Variants in CDKAL1 observed in about 807,000 individuals in gnomAD.
CDKAL1 encodes threonylcarbamoyladenosine tRNA methylthiotransferase.
Under a neutral mutation model 68.2 loss-of-function variants are expected in CDKAL1, and 32 were observed. That is an observed-to-expected ratio of 0.47 (90% CI 0.35 to 0.63). The LOEUF (loss-of-function observed/expected upper bound fraction) is 0.63. Among genes scored for constraint, CDKAL1 ranks in the 30% least tolerant of loss-of-function variants. The pLI is 0.00. For missense variants in CDKAL1, 606 were observed against 696.7 expected (o/e 0.87, Z 1.47); for synonymous variants, 234 against 244.3 (o/e 0.96, Z 0.39).
chr6:20,632,813 C>T lies in CDKAL1; in HGVS notation c.287-16480C>T, dbSNP rs113738269. ...ATCGAGGGACTATTTATTTTTGAAT[C>T]GTTGCCAGGATGTACCACGGGCCCA... On this transcript the variant is annotated intron_variant, in intron 4 of 15. Transcript: ENST00000274695. Among the ~76,000 whole-genome samples the T allele has an allele frequency of 2.3e-3, 357 of 152,270 alleles. 1 individual carries two copies. Among genetic ancestry groups the T allele is most frequent in the Middle Eastern group, 6.8e-3 (2 of 294 alleles).
intron 12 of CDKAL1, among the ~76,000 whole-genome samples, chr6:21,102,982 T>C (rs1350228344): frequency 6.6e-6 from 1 of 152,254 alleles, no homozygotes; most frequent in Non-Finnish European, 1.5e-5. Context: ...CGAAGTATGA[T>C]GAAGGCTTGC....
At chr6:20,597,450 T>G (rs1201577866) in intron 4 of CDKAL1, among the ~76,000 whole-genome samples, 1 of 152,002 alleles carries the variant, frequency 6.6e-6, no homozygotes, top group African/African-American at 2.4e-5. Flanking sequence ...AGTCTCACTC[T>G]TTGAACCAGG....
intron 13 of CDKAL1, among the ~76,000 whole-genome samples, chr6:21,172,480 T>C (rs1582352525): frequency 6.6e-6 from 1 of 152,174 alleles, no homozygotes; most frequent in Admixed American, 6.5e-5. Flanking sequence ...CTGGGCGAGG[T>C]GGTTCACGCC....
intron 12 of CDKAL1, among the ~76,000 whole-genome samples, chr6:21,080,969 G>A (rs771629066): frequency 1.6e-4 from 24 of 152,118 alleles, no homozygotes; most frequent in Non-Finnish European, 2.9e-4. Flanking sequence ...GGGAATCTTA[G>A]CATTTCAAGT....
chr6:21,196,575 T>C (rs2151103693), intron 13 of CDKAL1, among the ~76,000 whole-genome samples: 1 of 152,340 alleles, frequency 6.6e-6, no homozygotes, highest in East Asian at 1.9e-4. Flanking sequence ...TAGTAAATTA[T>C]GGTGTATTTA....
At chr6:20,595,594 T>C (rs573626373) in intron 4 of CDKAL1, among the ~76,000 whole-genome samples, 52 of 152,112 alleles carry the variant, frequency 3.4e-4, no homozygotes, top group Non-Finnish European at 6.6e-4. Flanking sequence ...CAGGGTTCTT[T>C]GCTTCCTTGC....
chr6:20,633,961 A>G (rs902542553), intron 4 of CDKAL1, among the ~76,000 whole-genome samples: 1 of 152,228 alleles, frequency 6.6e-6, no homozygotes, highest in African/African-American at 2.4e-5. Context: ...GTCAAAATCT[A>G]GAAGTGGTTC....
In CDKAL1 at chr6:20,818,749, A is replaced by G. The variant is rs79973327; in HGVS notation, c.639-27326A>G. 2.3e-4 allele frequency among the ~76,000 whole-genome samples: 35 copies of G among 150,924 alleles called. No homozygotes were observed. The East Asian group carries it at 5.0e-3, about 22-fold the overall frequency. Reference sequence around the variant, plus strand: ...ATATAGTTATATACTTAATAATTATATATATACACACACTAATATGTATAT... The same window carrying G: ...ATATAGTTATATACTTAATAATTATGTATATACACACACTAATATGTATAT... On this transcript the variant is annotated intron_variant, in intron 8 of 15. Coordinates refer to ENST00000274695, the MANE Select transcript of CDKAL1 (RefSeq NM_017774.3).
intron 5 of CDKAL1, among the ~76,000 whole-genome samples, chr6:20,662,101 T>G (rs1769311066): frequency 6.6e-6 from 1 of 152,156 alleles, no homozygotes; most frequent in South Asian, 2.1e-4. Flanking sequence ...AAGGCTCTTG[T>G]TTTTTTCTTC....
intron 11 of CDKAL1, among the ~76,000 whole-genome samples, chr6:21,033,062 G>A (rs1450279531): frequency 2.6e-5 from 4 of 152,158 alleles, no homozygotes; most frequent in Non-Finnish European, 2.9e-5. Flanking sequence ...AACAAAGCAC[G>A]TTCGTTTGCC....
intron 13 of CDKAL1, among the ~76,000 whole-genome samples, chr6:21,113,237 T>C (rs1457733215): frequency 1.3e-5 from 2 of 152,202 alleles, no homozygotes; most frequent in Non-Finnish European, 2.9e-5. Flanking sequence ...AAAATAGAAT[T>C]TTTAGAAACT....
chr6:21,078,247 G>A (rs1772182397), intron 12 of CDKAL1, among the ~76,000 whole-genome samples: 1 of 152,154 alleles, frequency 6.6e-6, no homozygotes, highest in Admixed American at 6.5e-5. Flanking sequence ...TTTCGAGACA[G>A]CTAAATTAAT....
chr6:21,220,730 C>T (rs1562127317), intron 15 of CDKAL1, among the ~76,000 whole-genome samples: 1 of 152,128 alleles, frequency 6.6e-6, no homozygotes. Context: ...GATAGAAGCC[C>T]ACAGCTGGAG....
chr6:20,832,800 C>T (rs1384731192), intron 8 of CDKAL1, among the ~76,000 whole-genome samples: 3 of 152,156 alleles, frequency 2.0e-5, no homozygotes, highest in Non-Finnish European at 2.9e-5. Context: ...TCATAAATAA[C>T]TTAATGATAA....
intron 15 of CDKAL1, among the ~76,000 whole-genome samples, chr6:21,221,970 C>G (rs978376363): frequency 6.6e-6 from 1 of 152,154 alleles, no homozygotes; most frequent in African/African-American, 2.4e-5. Flanking sequence ...GCAGGTTGGG[C>G]ATTCTGAAAG....
chr6:20,632,814 G>A (rs17823073), intron 4 of CDKAL1, among the ~76,000 whole-genome samples: 13,985 of 152,180 alleles, frequency 0.092, 868 homozygotes, highest in Non-Finnish European at 0.13. Flanking sequence ...TTTTTGAATC[G>A]TTGCCAGGAT....
At chr6:20,651,814 G>A (rs1459280470) in intron 5 of CDKAL1, among the ~76,000 whole-genome samples, 1 of 152,062 alleles carries the variant, frequency 6.6e-6, no homozygotes, top group Non-Finnish European at 1.5e-5. Context: ...AAAATCATGT[G>A]GTTTTTGTCT....
chr6:21,013,067 T>C (rs1045669099), intron 11 of CDKAL1, among the ~76,000 whole-genome samples: 1 of 152,192 alleles, frequency 6.6e-6, no homozygotes, highest in Non-Finnish European at 1.5e-5. Flanking sequence ...TGATGACTCC[T>C]TTGAGGTCAT....
At chr6:20,865,137 C>T (rs539683681) in intron 9 of CDKAL1, among the ~76,000 whole-genome samples, 1 of 152,258 alleles carries the variant, frequency 6.6e-6, no homozygotes, top group South Asian at 2.1e-4. Context: ...TGCTGAAGCA[C>T]AGAGAGGTTA....
Sources: allele counts gnomAD v4.1 joint callset (sites outside exome capture counted in the v4.1 genomes callset), GRCh38; gene constraint gnomAD v4.1.1; transcripts MANE v1.5; gene names NCBI Gene and HGNC (gene_info 2026-07-23, HGNC 2026-07-21).